Variants in LOC128462377 observed in about 807,000 individuals in gnomAD.
At chr16:89,351,322 G>T in the LOC128462377 span, among the ~76,000 whole-genome samples, 8 of 152,144 alleles carry the variant, frequency 5.3e-5, no homozygotes, top group Admixed American at 5.2e-4. Context: ...TGAAGGGGAT[G>T]GCATCCATGG....
chr16:89,404,906 C>T, the LOC128462377 span, among the ~76,000 whole-genome samples: 2 of 152,230 alleles, frequency 1.3e-5, no homozygotes, highest in Non-Finnish European at 1.5e-5. Context: ...CTTTCCTTTA[C>T]AGTAAAGTGA....
the LOC128462377 span, among the ~76,000 whole-genome samples, chr16:89,368,801 G>C: frequency 3.4e-4 from 52 of 152,224 alleles, no homozygotes; most frequent in African/African-American, 1.2e-3. Flanking sequence ...AGCTACTCCA[G>C]AGGCAGGCGG....
At chr16:89,401,882 G>A in the LOC128462377 span, among the ~76,000 whole-genome samples, 19 of 150,914 alleles carry the variant, frequency 1.3e-4, no homozygotes, top group African/African-American at 4.2e-4. Context: ...AGAACCCGCC[G>A]GGCACACCAG....
At chr16:89,414,478 G>A in the LOC128462377 span, among the ~76,000 whole-genome samples, 2 of 152,212 alleles carry the variant, frequency 1.3e-5, no homozygotes, top group Non-Finnish European at 2.9e-5. Flanking sequence ...AAAGATGTCA[G>A]CTTCAACTAC....
the LOC128462377 span, among the ~76,000 whole-genome samples, chr16:89,387,017 G>A: frequency 1.3e-5 from 2 of 151,978 alleles, no homozygotes; most frequent in African/African-American, 4.8e-5. Context: ...TCTGGAGGCC[G>A]CCCGTGGTGA....
chr16:89,362,010 A>G, the LOC128462377 span, among the ~76,000 whole-genome samples: 1 of 152,188 alleles, frequency 6.6e-6, no homozygotes, highest in South Asian at 2.1e-4. Flanking sequence ...AGGACCCTGA[A>G]TTTATGGGAG....
At chr16:89,386,581 GC>G in the LOC128462377 span, among the ~76,000 whole-genome samples, 1 of 152,226 alleles carries the variant, frequency 6.6e-6, no homozygotes, top group Non-Finnish European at 1.5e-5. Context: ...CAAGATGCCC[GC>G]GGGGAGGAGT....
the LOC128462377 span, among the ~76,000 whole-genome samples, chr16:89,356,340 T>C: frequency 6.6e-6 from 1 of 150,858 alleles, no homozygotes; most frequent in South Asian, 2.1e-4. Flanking sequence ...AGCCATCCGC[T>C]GAGGTGAGAA....
the LOC128462377 span, among the ~76,000 whole-genome samples, chr16:89,388,955 G>A: frequency 6.6e-6 from 1 of 152,166 alleles, no homozygotes; most frequent in Non-Finnish European, 1.5e-5. Context: ...ATGACTTACA[G>A]GAATATACAA....
the LOC128462377 span, among the ~76,000 whole-genome samples, chr16:89,341,730 T>C: frequency 6.6e-6 from 1 of 152,118 alleles, no homozygotes; most frequent in African/African-American, 2.4e-5. Flanking sequence ...AAAAGCAAAA[T>C]AAGGTCCTTG....
chr16:89,331,420 G>C, the LOC128462377 span, among the ~76,000 whole-genome samples: 1 of 152,286 alleles, frequency 6.6e-6, no homozygotes, highest in South Asian at 2.1e-4. Context: ...AAAAATCCCA[G>C]AGAAAAGAAC....
the LOC128462377 span, among the ~76,000 whole-genome samples, chr16:89,341,838 G>T: frequency 9.1e-3 from 1,381 of 151,464 alleles, 20 homozygotes; most frequent in African/African-American, 0.031. Context: ...CACGGCCCAC[G>T]GCGGGAGTGC....
At chr16:89,358,142 A>T in the LOC128462377 span, among the ~76,000 whole-genome samples, 1 of 152,210 alleles carries the variant, frequency 6.6e-6, no homozygotes, top group African/African-American at 2.4e-5. Flanking sequence ...GTGGCTGGAG[A>T]TGCTGCACCC....
the LOC128462377 span, among the ~76,000 whole-genome samples, chr16:89,412,962 C>T: frequency 7.9e-5 from 12 of 152,124 alleles, no homozygotes; most frequent in Non-Finnish European, 1.6e-4. Context: ...TAAAAGCACA[C>T]ATGAGGGAAA....
At chr16:89,387,785 T>A in the LOC128462377 span, among the ~76,000 whole-genome samples, 6 of 150,214 alleles carry the variant, frequency 4.0e-5, no homozygotes, top group Non-Finnish European at 7.4e-5. Flanking sequence ...GGTGAATCAT[T>A]TGAGGTCAGG....
the LOC128462377 span, among the ~76,000 whole-genome samples, chr16:89,327,146 G>T: frequency 6.6e-6 from 1 of 151,924 alleles, no homozygotes; most frequent in African/African-American, 2.4e-5. Context: ...TCTGATGACA[G>T]CGAAATATGT....
At chr16:89,375,767 T>C in the LOC128462377 span, among the ~76,000 whole-genome samples, 491 of 65,150 alleles carry the variant, frequency 7.5e-3, 2 homozygotes, top group African/African-American at 0.025. Flanking sequence ...ACTCCGTCTC[T>C]TAAAAAAAAA....
At chr16:89,366,758 G>C in the LOC128462377 span, among the ~76,000 whole-genome samples, 5 of 152,306 alleles carry the variant, frequency 3.3e-5, no homozygotes, top group South Asian at 1.0e-3. Context: ...TTGAATGTGT[G>C]CTATGGGTAC....
the LOC128462377 span, among the ~76,000 whole-genome samples, chr16:89,390,402 G>A: frequency 8.5e-5 from 13 of 152,164 alleles, no homozygotes; most frequent in South Asian, 4.1e-4. Context: ...ATCAAACCCC[G>A]AGTGTGGCGT....
Sources: allele counts gnomAD v4.1 joint callset (sites outside exome capture counted in the v4.1 genomes callset), GRCh38; gene constraint gnomAD v4.1.1; transcripts MANE v1.5.